The following ERC2 variants were observed in gnomAD, a reference collection of about 807,000 sequenced individuals.
The protein encoded by ERC2 is ERC protein 2.
ERC2 carries 42 observed loss-of-function variants against 114.8 expected under a neutral mutation model. The observed-to-expected ratio is 0.37, with a 90% CI of 0.29 to 0.47. The LOEUF (loss-of-function observed/expected upper bound fraction) is 0.47, where lower values mean the gene tolerates loss of function less well. Among genes scored for constraint, ERC2 ranks in the 20% least tolerant of loss-of-function variants. The pLI is 0.99. For missense variants in ERC2, 939 were observed against 1,150.7 expected (o/e 0.82, Z 2.66); for synonymous variants, 454 against 425.5 (o/e 1.07, Z -0.82).
intron 2 of ERC2, among the ~76,000 whole-genome samples, chr3:56,419,198 C>G (rs538957884): frequency 4.0e-5 from 6 of 149,524 alleles, no homozygotes; most frequent in Non-Finnish European, 8.9e-5. Flanking sequence ...GTAATTAACC[C>G]TCACTTGATA....
rs113873105 is a variant in ERC2, at chr3:56,008,421, T to C, written c.1921-1100A>G. ...TAGCTAGTAAAGGCAGATACAGGTC[T>C]CAAACCCAGGTCTACAATTCCAATT... On this transcript the variant is annotated intron_variant, in intron 9 of 17. Transcript: ENST00000288221. Among the ~76,000 whole-genome samples, 238 of 152,256 alleles carry C rather than the reference T, an allele frequency of 1.6e-3. 1 individual carries two copies. The highest frequency in any genetic ancestry group is 2.5e-3 in the Non-Finnish European group (173 of 68,008).
intron 14 of ERC2, among the ~76,000 whole-genome samples, chr3:55,869,678 C>A (rs775868147): frequency 3.9e-5 from 6 of 152,102 alleles, no homozygotes; most frequent in Non-Finnish European, 8.8e-5. Flanking sequence ...AGAGCACTTA[C>A]CACCCTGTAT....
At chr3:56,240,382 C>T (rs1022793094) in intron 3 of ERC2, among the ~76,000 whole-genome samples, 1 of 152,154 alleles carries the variant, frequency 6.6e-6, no homozygotes, top group African/African-American at 2.4e-5. Flanking sequence ...TCAGTCAGGA[C>T]TGAAGATAGT....
chr3:55,637,149 G>T (rs2059992579), intron 17 of ERC2, among the ~76,000 whole-genome samples: 4 of 152,188 alleles, frequency 2.6e-5, no homozygotes, highest in Admixed American at 2.6e-4. Context: ...CAGGACAAAG[G>T]TCCTCCTGGA....
At chr3:56,253,583 C>T (rs1317040581) in intron 3 of ERC2, among the ~76,000 whole-genome samples, 1 of 152,184 alleles carries the variant, frequency 6.6e-6, no homozygotes, top group African/African-American at 2.4e-5. Flanking sequence ...AACATTTTAG[C>T]CTCAGTTATG....
chr3:55,734,971 A>G, intron 14 of ERC2, 53 bp from the exon 15 acceptor site: 1 of 1,465,960 alleles, frequency 6.8e-7, no homozygotes, highest in Non-Finnish European at 9.1e-7. Flanking sequence ...AAAAAAAACA[A>G]ACAATTGGCA....
chr3:55,707,656 T>TA (rs1391799635), intron 15 of ERC2, among the ~76,000 whole-genome samples: 1 of 152,174 alleles, frequency 6.6e-6, no homozygotes, highest in Non-Finnish European at 1.5e-5. Context: ...CCTGTTAACA[T>TA]AAAAAATAAT....
At chr3:55,691,573 A>AAAAAAAAAAAAAAAAAAAGATAT (rs1553631525) in intron 16 of ERC2, among the ~76,000 whole-genome samples, 1 of 39,742 alleles carries the variant, frequency 2.5e-5, no homozygotes, top group Non-Finnish European at 4.6e-5. Context: ...AAAAAAAAAA[A>AAAAAAAAAAAAAAAAAAAGATAT]ATATATATAT....
intron 3 of ERC2, among the ~76,000 whole-genome samples, chr3:56,276,493 A>G (rs532705418): frequency 1.7e-3 from 252 of 151,140 alleles, no homozygotes; most frequent in African/African-American, 6.0e-3. Flanking sequence ...TCAGTCATTC[A>G]TCTGGCTCTT....
chr3:55,932,049 C>T (rs2066126827), intron 13 of ERC2, among the ~76,000 whole-genome samples: 1 of 152,172 alleles, frequency 6.6e-6, no homozygotes, highest in South Asian at 2.1e-4. Context: ...CAAGTCTCCT[C>T]CCATGTTTTC....
chr3:56,442,617 T>A (rs898477102), intron 1 of ERC2, among the ~76,000 whole-genome samples: 4 of 152,214 alleles, frequency 2.6e-5, no homozygotes, highest in East Asian at 3.8e-4. Flanking sequence ...TAAACAAGGC[T>A]ACTGGGGTTT....
chr3:55,571,086 C>T (rs1042958838), intron 17 of ERC2, among the ~76,000 whole-genome samples: 4 of 138,080 alleles, frequency 2.9e-5, no homozygotes, highest in Non-Finnish European at 4.8e-5. Flanking sequence ...CGAGATTGTG[C>T]CACTGCACTC....
intron 3 of ERC2, among the ~76,000 whole-genome samples, chr3:56,281,971 A>G (rs770679548): frequency 6.6e-6 from 1 of 152,182 alleles, no homozygotes; most frequent in Non-Finnish European, 1.5e-5. Context: ...AAGGAGACCA[A>G]CTGATCCGAG....
chr3:56,356,156 TGA>T (rs1005071260), intron 2 of ERC2, among the ~76,000 whole-genome samples: 10 of 152,180 alleles, frequency 6.6e-5, no homozygotes, highest in Non-Finnish European at 1.5e-4. Flanking sequence ...AAGGGGGATG[TGA>T]GAGATTCAAA....
intron 3 of ERC2, chr3:56,185,026 T>C (rs2083505304): frequency 6.6e-6 from 1 of 152,204 alleles, no homozygotes. Flanking sequence ...ATTGGGCCAA[T>C]CTGCCACTGT....
chr3:56,306,101 G>A (rs1560560971), intron 2 of ERC2, among the ~76,000 whole-genome samples: 1 of 152,092 alleles, frequency 6.6e-6, no homozygotes, highest in South Asian at 2.1e-4. Context: ...CTCCCGCCTC[G>A]GCCTCCAAAA....
At chr3:55,938,143 G>A (rs1317634906) in intron 13 of ERC2, among the ~76,000 whole-genome samples, 3 of 149,908 alleles carry the variant, frequency 2.0e-5, no homozygotes, top group African/African-American at 7.5e-5. Context: ...CAAGAACCCA[G>A]CCTCGAAAAA....
At chr3:56,265,234 G>T (rs912127634) in intron 3 of ERC2, among the ~76,000 whole-genome samples, 1 of 152,062 alleles carries the variant, frequency 6.6e-6, no homozygotes, top group Non-Finnish European at 1.5e-5. Flanking sequence ...CAAAACAGTA[G>T]GGTACTCACA....
intron 17 of ERC2, among the ~76,000 whole-genome samples, chr3:55,656,975 T>G (rs2060897931): frequency 6.6e-6 from 1 of 152,168 alleles, no homozygotes; most frequent in East Asian, 1.9e-4. Flanking sequence ...GGGGAACTAT[T>G]CCACAGCAGG....
Sources: allele counts gnomAD v4.1 joint callset (sites outside exome capture counted in the v4.1 genomes callset), GRCh38; gene constraint gnomAD v4.1.1; transcripts MANE v1.5; gene names NCBI Gene and HGNC (gene_info 2026-07-23, HGNC 2026-07-21).